ZNF83: variants seen among roughly 807,000 people sequenced by gnomAD.
The protein encoded by ZNF83 is zinc finger protein 816B.
For synonymous variants in ZNF83, 209 were observed against 213.0 expected (o/e 0.98, Z 0.17); for missense variants, 552 against 629.9 (o/e 0.88, Z 1.32).
intron 1 of ZNF83, among the ~76,000 whole-genome samples, chr19:52,687,782 G>T (rs918607457): frequency 6.8e-6 from 1 of 147,306 alleles, no homozygotes; most frequent in Non-Finnish European, 1.5e-5. Context: ...AGGAGATCAC[G>T]CCACTGCACT....
intron 1 of ZNF83, among the ~76,000 whole-genome samples, chr19:52,676,020 C>G (rs1221453843): frequency 2.0e-5 from 3 of 152,068 alleles, no homozygotes; most frequent in Non-Finnish European, 2.9e-5. Flanking sequence ...GAAACCCTGT[C>G]TCTACTAACA....
At chr19:52,646,494 AGAG>A (rs1367780292) in intron 3 of ZNF83, among the ~76,000 whole-genome samples, 5 of 152,328 alleles carry the variant, frequency 3.3e-5, no homozygotes, top group Middle Eastern at 3.4e-3. Flanking sequence ...GGCTACAGTT[AGAG>A]GAGATCACTC....
At position 52,630,571 on chromosome 19, in the gene ZNF83, A is replaced by G. The variant is rs188146689; in HGVS notation, c.-234+4495T>C. On this transcript the variant is annotated intron_variant, in intron 2 of 2. Transcript: ENST00000301096. ...AACCAAATTATCTGCTTCCCTGACT[A>G]TTCCTGGACTACAGCCGCATCTCAC... Among the ~76,000 whole-genome samples, 120 of 152,096 alleles carry G rather than the reference A, an allele frequency of 7.9e-4. No homozygotes were observed. In the Middle Eastern group the frequency reaches 0.01, roughly 13 times the overall value.
chr19:52,687,046 T>TGGC (rs2062028363), intron 1 of ZNF83, among the ~76,000 whole-genome samples: 2 of 151,640 alleles, frequency 1.3e-5, no homozygotes, highest in African/African-American at 4.8e-5. Flanking sequence ...CCCAGAGTGG[T>TGGC]GGCGCATGCC....
At position 52,654,457 on chromosome 19, in the gene ZNF83, A is replaced by G. The variant is rs553353671; in HGVS notation, c.-74+1104T>C. The G allele has an allele frequency of 1.3e-4, 91 of 700,000 alleles. 1 individual carries two copies. Among genetic ancestry groups the G allele is most frequent in the Non-Finnish European group, 9.1e-6 (4 of 440,014 alleles). 43.4% of individuals were successfully genotyped at this position (700,000 alleles called of 1,614,324 possible). On this transcript the variant is annotated intron_variant, in intron 3 of 5. Transcript: ENST00000594682. Reference sequence around the variant, plus strand: ...CAATTAAGTACAGATGGTAAATAATATTTAATACTGAAATGTGTTAATATT... The same window carrying G: ...CAATTAAGTACAGATGGTAAATAATGTTTAATACTGAAATGTGTTAATATT...
At chr19:52,683,289 C>T (rs1376412259) in intron 1 of ZNF83, among the ~76,000 whole-genome samples, 1 of 147,362 alleles carries the variant, frequency 6.8e-6, no homozygotes, top group Non-Finnish European at 1.5e-5. Flanking sequence ...TGTATGCTCA[C>T]GTGTTGTGAC....
At chr19:52,684,239 A>T (rs577075285) in intron 1 of ZNF83, among the ~76,000 whole-genome samples, 2 of 152,194 alleles carry the variant, frequency 1.3e-5, no homozygotes, top group South Asian at 4.2e-4. Context: ...CTTGGTGGGC[A>T]TCTGTAATCC....
At chr19:52,641,566 C>T (rs1453487901), upstream of ZNF83, among the ~76,000 whole-genome samples, 1 of 152,074 alleles carries the variant, frequency 6.6e-6, no homozygotes, top group Non-Finnish European at 1.5e-5. Context: ...TTCCATTACA[C>T]TTAGTTCTTT....
At chr19:52,649,346 T>C (rs1568563354) in intron 3 of ZNF83, among the ~76,000 whole-genome samples, 1 of 152,186 alleles carries the variant, frequency 6.6e-6, no homozygotes, top group Non-Finnish European at 1.5e-5. Context: ...CAAAAGATCT[T>C]GTATGAGCCG....
At chr19:52,659,593 A>T (rs991405019) in intron 2 of ZNF83, among the ~76,000 whole-genome samples, 1 of 148,658 alleles carries the variant, frequency 6.7e-6, no homozygotes, top group Non-Finnish European at 1.5e-5. Flanking sequence ...GCAATACCTC[A>T]ACAGAGCAAG....
At chr19:52,660,068 G>A (rs1307720716) in intron 2 of ZNF83, among the ~76,000 whole-genome samples, 2 of 152,094 alleles carry the variant, frequency 1.3e-5, no homozygotes, top group Non-Finnish European at 2.9e-5. Flanking sequence ...GTGTGCGACT[G>A]TAATCCCAGC....
chr19:52,650,358 G>A (rs329959), intron 3 of ZNF83: 79,925 of 151,590 alleles, frequency 0.53, 21,647 homozygotes, highest in East Asian at 0.71. Flanking sequence ...CCAGGTTCAC[G>A]TGATTCTCCT....
At chr19:52,659,088 A>G (rs559952695) in intron 2 of ZNF83, among the ~76,000 whole-genome samples, 5 of 152,286 alleles carry the variant, frequency 3.3e-5, no homozygotes, top group African/African-American at 1.2e-4. Flanking sequence ...GTCCGTGGGC[A>G]GACCCCCGCA....
At chr19:52,659,468 AAC>A (rs1203230682) in intron 2 of ZNF83, among the ~76,000 whole-genome samples, 3 of 152,304 alleles carry the variant, frequency 2.0e-5, no homozygotes, top group African/African-American at 7.2e-5. Context: ...ACTGGTCGGA[AAC>A]ACAGCAGAAC....
intron 3 of ZNF83, chr19:52,653,057 A>T (rs2061463340): frequency 2.7e-6 from 4 of 1,487,862 alleles, no homozygotes; most frequent in Middle Eastern, 3.5e-4. Flanking sequence ...CATTCATTAC[A>T]CTTGTAAGGT....
chr19:52,624,760 A>G (rs1378172902), intron 2 of ZNF83, among the ~76,000 whole-genome samples: 2 of 152,140 alleles, frequency 1.3e-5, no homozygotes, highest in African/African-American at 4.8e-5. Context: ...CCGTGCAGCT[A>G]CCACCACCCT....
intron 1 of ZNF83, among the ~76,000 whole-genome samples, chr19:52,676,900 T>C (rs999836256): frequency 1.5e-5 from 2 of 136,380 alleles, no homozygotes; most frequent in Admixed American, 1.5e-4. Flanking sequence ...GTGCAAGATG[T>C]GCTTTGTTAA....
rs553297829 is a variant in ZNF83 at position 52,621,130 on chromosome 19, C to T, written c.-233-6333G>A. On this transcript the variant is annotated intron_variant, in intron 2 of 2. Transcript: ENST00000301096. Reference sequence around the variant, plus strand: ...ACGTGACATTTGGTGAGATGTGGGACAGGAGGACTCCTTCAGGAGACTGAT... The same window carrying T: ...ACGTGACATTTGGTGAGATGTGGGATAGGAGGACTCCTTCAGGAGACTGAT... Among the ~76,000 whole-genome samples, 4 of 152,284 alleles carry T rather than the reference C, an allele frequency of 2.6e-5. No homozygotes were observed. The South Asian group carries it at 8.3e-4, about 32-fold the overall frequency.
At chr19:52,654,169 C>T (rs375921524) in intron 3 of ZNF83, 22 of 1,603,214 alleles carry the variant, frequency 1.4e-5, no homozygotes, top group African/African-American at 5.4e-5. Context: ...CCTTTGATCA[C>T]GTCGGTCTGT....
Sources: allele counts gnomAD v4.1 joint callset (sites outside exome capture counted in the v4.1 genomes callset), GRCh38; gene constraint gnomAD v4.1.1; transcripts MANE v1.5; gene names NCBI Gene and HGNC (gene_info 2026-07-23, HGNC 2026-07-21).